The following ZNF710 variants were observed in gnomAD, a reference collection of about 807,000 sequenced individuals.
The protein encoded by ZNF710 is zinc finger protein 710.
ZNF710 carries 13 observed loss-of-function variants against 50.6 expected under a neutral mutation model. That is an observed-to-expected ratio of 0.26 (90% CI 0.17 to 0.41). The LOEUF (loss-of-function observed/expected upper bound fraction) is 0.41, where lower values mean the gene tolerates loss of function less well. ZNF710 is among the 10% of genes least tolerant of loss of function. The probability of loss-of-function intolerance (pLI) is 1.00; values close to 1 mark genes in which losing one functional copy is unlikely to be tolerated. For synonymous variants in ZNF710, 383 were observed against 397.0 expected (o/e 0.96, Z 0.42); for missense variants, 721 against 936.6 (o/e 0.77, Z 3.01).
intron 1 of ZNF710, among the ~76,000 whole-genome samples, chr15:90,035,236 G>C (rs1899085159): frequency 6.6e-6 from 1 of 152,240 alleles, no homozygotes; most frequent in Admixed American, 6.5e-5. Context: ...GAGACATGAG[G>C]CAATGGTCTT....
chr15:90,002,021 C>T (rs1898026145), intron 1 of ZNF710, among the ~76,000 whole-genome samples: 2 of 147,168 alleles, frequency 1.4e-5, no homozygotes, highest in East Asian at 4.2e-4. Flanking sequence ...GAAAGCGTCG[C>T]GGCGGCGGCG....
At chr15:90,074,430 T>C (rs1596064906) in intron 4 of ZNF710, 140 bp downstream of exon 4, 1 of 1,542,958 alleles carries the variant, frequency 6.5e-7, no homozygotes, top group Admixed American at 1.9e-5. Flanking sequence ...GGAAGGGGGG[T>C]ACCCTGGAAG....
chr15:90,049,643 C>A (rs777528599), intron 1 of ZNF710, among the ~76,000 whole-genome samples: 66 of 152,192 alleles, frequency 4.3e-4, no homozygotes, highest in African/African-American at 1.5e-3. Flanking sequence ...GAGCTGACCA[C>A]GTTGGGTACC....
At chr15:90,061,666 C>T (rs909253975) in intron 1 of ZNF710, among the ~76,000 whole-genome samples, 1 of 152,198 alleles carries the variant, frequency 6.6e-6, no homozygotes, top group Admixed American at 6.5e-5. Flanking sequence ...CCCGACCCTC[C>T]TCTGCTCCTA....
chr15:90,034,606 T>C lies in ZNF710; in HGVS notation c.-28-32504T>C, dbSNP rs555575095. ...CTAGCAGCAGGGGAAGCCTGGCAGC[T>C]TGGCTGAGCCTCCTCCGGCCTCTGC... On this transcript the variant is annotated intron_variant, in intron 1 of 4. Coordinates refer to ENST00000268154, the MANE Select transcript of ZNF710 (RefSeq NM_198526.4). The surrounding 1 kb of genome is among the most constrained non-coding windows in gnomAD (Gnocchi z 4.0). Among the ~76,000 whole-genome samples, 1 of 152,228 alleles carries C rather than the reference T, an allele frequency of 6.6e-6. No homozygotes were observed. The highest frequency in any genetic ancestry group is 1.9e-4 in the East Asian group (1 of 5,168).
At chr15:90,008,426 G>GTATATATATATACA (rs1555454961) in intron 1 of ZNF710, among the ~76,000 whole-genome samples, 2 of 124,272 alleles carry the variant, frequency 1.6e-5, no homozygotes, top group African/African-American at 7.6e-5. Context: ...GTGTGTGTGT[G>GTATATATATATACA]TATATATATA....
chr15:90,023,539 C>T (rs746435999), intron 1 of ZNF710, among the ~76,000 whole-genome samples: 38 of 152,312 alleles, frequency 2.5e-4, no homozygotes, highest in Admixed American at 6.5e-4. Context: ...TGCAGGTGAA[C>T]CAGGCATGGT....
Position 90,079,742 on chromosome 15 carries a change from C to T in ZNF710, c.1908C>T (p.Tyr636=). ...TGGAGGACTTCGAGGAGAACGCCTA[C>T]AGCTATGCGAGCGTGGACAGCAGCG... The part of the protein sequence containing the change: ...QEMEDFEENA[Y]SYASVDSSAE... The change falls in exon 5 of 5, where the codon TAC becomes TAT. Residue 636 remains tyrosine (Y), a synonymous_variant. Coordinates refer to ENST00000268154, the MANE Select transcript of ZNF710 (RefSeq NM_198526.4). 2 of 1,613,870 alleles carry T rather than the reference C, an allele frequency of 1.2e-6. No homozygotes were observed. The highest frequency in any genetic ancestry group is 1.7e-6 in the Non-Finnish European group (2 of 1,179,906).
chr15:90,060,545 C>T (rs1350615774), intron 1 of ZNF710, among the ~76,000 whole-genome samples: 1 of 151,790 alleles, frequency 6.6e-6, no homozygotes, highest in African/African-American at 2.4e-5. Flanking sequence ...TAGAGGAAGG[C>T]CCATCTCTTA....
At chr15:90,030,833 G>A (rs780931275) in intron 1 of ZNF710, among the ~76,000 whole-genome samples, 1 of 151,940 alleles carries the variant, frequency 6.6e-6, no homozygotes, top group Admixed American at 6.6e-5. Context: ...TGGCTAACAC[G>A]GTGAAACCCC....
chr15:90,075,912 T>G (rs1020311070), intron 4 of ZNF710: 4 of 152,230 alleles, frequency 2.6e-5, no homozygotes, highest in Admixed American at 1.3e-4. Context: ...AGTCAGACTC[T>G]ACACTTCAAA....
chr15:90,000,056 C>A (rs1395117290), upstream of ZNF710, among the ~76,000 whole-genome samples: 8 of 152,094 alleles, frequency 5.3e-5, no homozygotes, highest in Non-Finnish European at 7.4e-5. Context: ...CACGTTTCTC[C>A]CCCTGGCTGC....
At chr15:90,054,079 C>T (rs1381872058) in intron 1 of ZNF710, among the ~76,000 whole-genome samples, 2 of 151,894 alleles carry the variant, frequency 1.3e-5, no homozygotes, top group African/African-American at 4.8e-5. Flanking sequence ...TAAATGTCAC[C>T]CTGAGATGAC....
chr15:90,058,154 G>A (rs1200103315), intron 1 of ZNF710, among the ~76,000 whole-genome samples: 2 of 152,176 alleles, frequency 1.3e-5, no homozygotes, highest in African/African-American at 2.4e-5. Flanking sequence ...TGTGGGAGGG[G>A]CTCTCTCACC....
chr15:90,041,184 T>C (rs1022386582), intron 1 of ZNF710, among the ~76,000 whole-genome samples: 1 of 152,120 alleles, frequency 6.6e-6, no homozygotes, highest in African/African-American at 2.4e-5. Context: ...TAAATTCTTT[T>C]CTTTTCTCTT....
chr15:90,032,021 C>T (rs1413899572), intron 1 of ZNF710, among the ~76,000 whole-genome samples: 1 of 152,148 alleles, frequency 6.6e-6, no homozygotes, highest in African/African-American at 2.4e-5. Context: ...TTTTTTGAGA[C>T]GGAGTCTCGC....
chr15:90,020,070 C>T (rs990390695), intron 1 of ZNF710, among the ~76,000 whole-genome samples: 9 of 152,226 alleles, frequency 5.9e-5, no homozygotes, highest in East Asian at 1.9e-4. Context: ...CCCAGTTCTT[C>T]GTCATCACTT....
At chr15:90,024,312 C>G (rs1288903456) in intron 1 of ZNF710, among the ~76,000 whole-genome samples, 1 of 152,192 alleles carries the variant, frequency 6.6e-6, no homozygotes, top group Non-Finnish European at 1.5e-5. Flanking sequence ...ATGCTCTTCC[C>G]CTGACTTTCT....
At position 90,067,751 on chromosome 15, in the gene ZNF710, C is replaced by T. The variant is rs558896911; in HGVS notation, c.614C>T (p.Ala205Val). 162 of 1,594,276 alleles carry T rather than the reference C, an allele frequency of 1.0e-4. 1 individual carries two copies. In the South Asian group the frequency reaches 1.6e-3, roughly 16 times the overall value. Residue 205 changes from alanine to valine, a missense_variant, in exon 2 of 5, where the codon GCG becomes GTG. Coordinates refer to ENST00000268154, the MANE Select transcript of ZNF710 (RefSeq NM_198526.4). This position sits in a 1 kb window ranked among gnomAD's most constrained non-coding sequence, Gnocchi z 8.1. The stretch of plus-strand genomic sequence containing the variant: ...GATGGCTTCCCCGAGCCCAGCATGG[C>T]GCTGCCTGGGCCAGAGGCCTTGCCC... ...ARDGFPEPSMALPGPEALPTE... is the reference protein window; with the variant it reads ...ARDGFPEPSMVLPGPEALPTE...
Sources: gnomAD v4.1 joint callset for allele counts (sites outside exome capture counted in the v4.1 genomes callset) on GRCh38, gnomAD v4.1.1 for gene constraint, Gnocchi (gnomAD v3.1) non-coding constraint, MANE v1.5 for transcripts, NCBI Gene and HGNC (gene_info 2026-07-23, HGNC 2026-07-21) for gene names.